The following WDR27 variants were observed in gnomAD, a reference collection of about 807,000 sequenced individuals.
WDR27 encodes WD repeat-containing protein 27.
Under a neutral mutation model 114.4 loss-of-function variants are expected in WDR27, and 100 were observed. That is an observed-to-expected ratio of 0.87 (90% CI 0.74 to 1.03). WDR27 has a LOEUF of 1.03. Ranked by LOEUF, WDR27 falls within the 50% of genes least tolerant of loss-of-function variation. The pLI is 0.00. For synonymous variants in WDR27, 449 were observed against 423.1 expected (o/e 1.06, Z -0.75); for missense variants, 1,129 against 1,092.9 (o/e 1.03, Z -0.47).
chr6:169,490,337 A>G (rs1789580754), intron 25 of WDR27, among the ~76,000 whole-genome samples: 1 of 152,220 alleles, frequency 6.6e-6, no homozygotes, highest in Admixed American at 6.5e-5. Flanking sequence ...GAATTTGAAC[A>G]CTGTGCCAGT....
chr6:169,433,969 T>C, the WDR27 span, among the ~76,000 whole-genome samples: 2 of 152,236 alleles, frequency 1.3e-5, no homozygotes, highest in Non-Finnish European at 2.9e-5. Context: ...TTAAGTTCCT[T>C]GTAGATTCTG....
chr6:169,601,075 A>G (rs2128168998), intron 23 of WDR27, among the ~76,000 whole-genome samples: 1 of 152,348 alleles, frequency 6.6e-6, no homozygotes, highest in South Asian at 2.1e-4. Flanking sequence ...AGGTCGGGTT[A>G]CCCACAAAGG....
At chr6:169,487,277 C>T (rs141926873) in intron 25 of WDR27, among the ~76,000 whole-genome samples, 2 of 152,328 alleles carry the variant, frequency 1.3e-5, no homozygotes, top group East Asian at 3.9e-4. Flanking sequence ...TCTTCTGTGA[C>T]AACTAGGAAC....
At chr6:169,660,639 T>C (rs1825805889) in intron 10 of WDR27, 24 bp downstream of exon 10, 9 of 1,580,132 alleles carry the variant, frequency 5.7e-6, no homozygotes, top group Non-Finnish European at 6.1e-6. Flanking sequence ...TACAGTTACA[T>C]GGCGTTGAAA....
intron 2 of WDR27, among the ~76,000 whole-genome samples, chr6:169,683,686 C>T (rs944026851): frequency 1.3e-5 from 2 of 152,158 alleles, no homozygotes; most frequent in Non-Finnish European, 2.9e-5. Context: ...AGCCCCAACT[C>T]CCCTGCCTGG....
At chr6:169,695,668 G>C (rs1785720573) in intron 1 of WDR27, among the ~76,000 whole-genome samples, 2 of 152,096 alleles carry the variant, frequency 1.3e-5, no homozygotes, top group African/African-American at 2.4e-5. Context: ...TGGTGACAGA[G>C]TAACACTCTC....
chr6:169,499,610 C>T (rs540802426), intron 25 of WDR27, among the ~76,000 whole-genome samples: 1 of 152,342 alleles, frequency 6.6e-6, no homozygotes, highest in South Asian at 2.1e-4. Flanking sequence ...TCGCTTCCCG[C>T]AGTGTTGAGA....
At chr6:169,523,242 A>G (rs949164906) in intron 25 of WDR27, among the ~76,000 whole-genome samples, 19 of 152,268 alleles carry the variant, frequency 1.2e-4, no homozygotes, top group African/African-American at 4.3e-4. Flanking sequence ...TGAACCATGA[A>G]GAAATAGAAA....
chr6:169,536,671 GCAGCTGGGCT>G (rs1796232194), intron 25 of WDR27, among the ~76,000 whole-genome samples: 1 of 152,086 alleles, frequency 6.6e-6, no homozygotes. Flanking sequence ...CTGGGATTAG[GCAGCTGGGCT>G]CACAAAAGTG....
At chr6:169,538,235 T>C (rs1330706459) in intron 25 of WDR27, among the ~76,000 whole-genome samples, 1 of 152,220 alleles carries the variant, frequency 6.6e-6, no homozygotes, top group African/African-American at 2.4e-5. Flanking sequence ...GTGTGTAGTT[T>C]AGTCAATCAC....
intron 25 of WDR27, among the ~76,000 whole-genome samples, chr6:169,523,561 T>C (rs1032024467): frequency 1.3e-5 from 2 of 152,006 alleles, no homozygotes; most frequent in African/African-American, 2.4e-5. Flanking sequence ...GCAAACCAAA[T>C]TCAACAACCC....
chr6:169,558,159 G>A (rs771654806), intron 25 of WDR27, among the ~76,000 whole-genome samples: 2 of 151,898 alleles, frequency 1.3e-5, no homozygotes, highest in South Asian at 2.1e-4. Flanking sequence ...CACAAGCAGC[G>A]ATGGCTTCTG....
At chr6:169,550,483 A>C (rs548018225) in intron 25 of WDR27, among the ~76,000 whole-genome samples, 2 of 152,238 alleles carry the variant, frequency 1.3e-5, no homozygotes, top group African/African-American at 4.8e-5. Context: ...GCAGTGGCAC[A>C]ATCTCGGCTC....
intron 25 of WDR27, among the ~76,000 whole-genome samples, chr6:169,489,608 C>T (rs1056664942): frequency 2.0e-5 from 3 of 152,154 alleles, no homozygotes; most frequent in African/African-American, 7.2e-5. Flanking sequence ...CAGGACATTG[C>T]ATGCCTCAGT....
chr6:169,463,128 C>T (rs1042684682), intron 25 of WDR27, among the ~76,000 whole-genome samples: 2 of 152,186 alleles, frequency 1.3e-5, no homozygotes, highest in African/African-American at 2.4e-5. Context: ...TTGGTACCCA[C>T]TAAGAGCCTG....
At position 169,573,196 on chromosome 6, in the gene WDR27, T is replaced by C. The variant is rs563447531; in HGVS notation, c.2524-656A>G. 1.8e-3 allele frequency among the ~76,000 whole-genome samples: 270 copies of C among 152,218 alleles called. 1 individual carries two copies. Among genetic ancestry groups the C allele is most frequent in the African/African-American group, 6.4e-3 (266 of 41,522 alleles). Reference sequence around the variant, plus strand: ...TCCGAGAACCCCCCAAGTTTCTACATTGTGTTCTAGGGTAACAGTACTGAC... The same window carrying C: ...TCCGAGAACCCCCCAAGTTTCTACACTGTGTTCTAGGGTAACAGTACTGAC... On this transcript the variant is annotated intron_variant, in intron 24 of 25. Coordinates refer to ENST00000448612, the MANE Select transcript of WDR27 (RefSeq NM_182552.5).
chr6:169,697,558 TG>T (rs756678060), intron 1 of WDR27, among the ~76,000 whole-genome samples: 10 of 152,212 alleles, frequency 6.6e-5, no homozygotes, highest in Non-Finnish European at 1.5e-4. Context: ...TGTGCTTCAG[TG>T]GTCACGCTCC....
intron 21 of WDR27, among the ~76,000 whole-genome samples, chr6:169,622,051 T>A (rs1325621031): frequency 6.6e-6 from 1 of 152,174 alleles, no homozygotes; most frequent in African/African-American, 2.4e-5. Context: ...CTGAGATAAA[T>A]GCAGATCTGA....
At chr6:169,434,315 G>A in the WDR27 span, among the ~76,000 whole-genome samples, 2 of 152,204 alleles carry the variant, frequency 1.3e-5, no homozygotes, top group African/African-American at 2.4e-5. Flanking sequence ...TGGCTAGCCA[G>A]TTTTCCCAGC....
Sources: allele counts gnomAD v4.1 joint callset (sites outside exome capture counted in the v4.1 genomes callset), GRCh38; gene constraint gnomAD v4.1.1; transcripts MANE v1.5; gene names NCBI Gene and HGNC (gene_info 2026-07-23, HGNC 2026-07-21).